Variants in ADARB2 observed in about 807,000 individuals in gnomAD.
ADARB2 encodes the protein adenosine deaminase RNA specific B2 (inactive).
A neutral mutation model predicts 62.2 loss-of-function variants in ADARB2; 25 were observed. That is an observed-to-expected ratio of 0.40 (90% CI 0.29 to 0.56). The LOEUF is 0.56. Among genes scored for constraint, ADARB2 ranks in the 20% least tolerant of loss-of-function variants. ADARB2 has a pLI of 0.43. For synonymous variants in ADARB2, 572 were observed against 500.8 expected (o/e 1.14, Z -1.90); for missense variants, 1,071 against 1,077.4 (o/e 0.99, Z 0.08).
chr10:1,595,553 G>T (rs1425530855), intron 1 of ADARB2, among the ~76,000 whole-genome samples: 1 of 152,228 alleles, frequency 6.6e-6, no homozygotes, highest in East Asian at 1.9e-4. Flanking sequence ...GAGGCTGAGG[G>T]CCGAGGCTCA....
intron 1 of ADARB2, among the ~76,000 whole-genome samples, chr10:1,512,864 G>A (rs758754180): frequency 4.6e-5 from 7 of 152,164 alleles, no homozygotes; most frequent in East Asian, 1.9e-4. Context: ...CTCACCCCAC[G>A]TCTGCCACCA....
At chr10:1,442,335 A>C (rs74120615) in intron 1 of ADARB2, among the ~76,000 whole-genome samples, 1 of 152,312 alleles carries the variant, frequency 6.6e-6, no homozygotes, top group South Asian at 2.1e-4. Flanking sequence ...ACCACTAAGC[A>C]TCACCCTGTG....
chr10:1,232,087 T>G (rs1159951392), intron 6 of ADARB2, among the ~76,000 whole-genome samples: 3 of 152,152 alleles, frequency 2.0e-5, no homozygotes. Flanking sequence ...CATGTATGTC[T>G]GCCAGAGATT....
At chr10:1,524,060 AGAT>A (rs373910964) in intron 1 of ADARB2, among the ~76,000 whole-genome samples, 18,767 of 66,434 alleles carry the variant, frequency 0.28, 1,403 homozygotes, top group Non-Finnish European at 0.34. Context: ...GGGGATATGA[AGAT>A]AGATAGATAG....
chr10:1,633,478 C>G (rs1833867048), intron 1 of ADARB2, among the ~76,000 whole-genome samples: 1 of 152,028 alleles, frequency 6.6e-6, no homozygotes, highest in Non-Finnish European at 1.5e-5. Flanking sequence ...TGAAAAAACC[C>G]AAATCCCAAG....
chr10:1,705,729 T>C (rs1909433), intron 1 of ADARB2, among the ~76,000 whole-genome samples: 124,936 of 152,204 alleles, frequency 0.82, 52,265 homozygotes, highest in South Asian at 0.91. Flanking sequence ...AAGAAGCGTG[T>C]GAGGCCTCTC....
intron 4 of ADARB2, among the ~76,000 whole-genome samples, chr10:1,263,194 C>A (rs182219531): frequency 3.3e-5 from 5 of 151,792 alleles, no homozygotes; most frequent in South Asian, 2.1e-4. Context: ...TGATGAGTTA[C>A]TGGGTGCAGC....
chr10:1,420,847 G>A (rs61831772), intron 1 of ADARB2, among the ~76,000 whole-genome samples: 9,204 of 152,222 alleles, frequency 0.06, 335 homozygotes, highest in African/African-American at 0.1. Context: ...GCTATGTCTT[G>A]TAAGGCATGC....
intron 1 of ADARB2, among the ~76,000 whole-genome samples, chr10:1,533,119 C>CT (rs56227070): frequency 9.8e-4 from 141 of 143,844 alleles, no homozygotes; most frequent in Middle Eastern, 3.6e-3. Context: ...TAAACATCAC[C>CT]TTTTTTTTTT....
intron 2 of ADARB2, among the ~76,000 whole-genome samples, chr10:1,375,779 C>T (rs550436169): frequency 6.7e-6 from 1 of 149,996 alleles, no homozygotes; most frequent in East Asian, 2.0e-4. Context: ...CACACATGTG[C>T]ACACACATGC....
At chr10:1,516,205 C>T (rs1466427545) in intron 1 of ADARB2, among the ~76,000 whole-genome samples, 2 of 152,168 alleles carry the variant, frequency 1.3e-5, no homozygotes, top group Non-Finnish European at 2.9e-5. Context: ...TTCCTCGTGT[C>T]CTGCAGCTGC....
At position 1,396,499 on chromosome 10, in the gene ADARB2, A is replaced by G. The variant is rs1333583198; in HGVS notation, c.101-17339T>C. Among the ~76,000 whole-genome samples, 4 of 152,262 alleles carry G rather than the reference A, an allele frequency of 2.6e-5. No individual in the cohort carries two copies. In the East Asian group the frequency reaches 7.7e-4, roughly 29 times the overall value. ...CCCAGGATCGAAGAATCCGGCCCTG[A>G]GCTCCTGTCCTGCTCCATTTCCTCC... On this transcript the variant is annotated intron_variant, in intron 1 of 9. Transcript: ENST00000381312.
chr10:1,560,978 C>A (rs1358660885), intron 1 of ADARB2, among the ~76,000 whole-genome samples: 1 of 152,186 alleles, frequency 6.6e-6, no homozygotes. Flanking sequence ...TTTCTAAATA[C>A]CTGACCTAGA....
chr10:1,547,974 C>T (rs145221231), intron 1 of ADARB2, among the ~76,000 whole-genome samples: 111 of 152,114 alleles, frequency 7.3e-4, no homozygotes, highest in Middle Eastern at 6.8e-3. Flanking sequence ...ATTCAGGACA[C>T]GTGGTACTTG....
At chr10:1,499,567 C>T (rs1831738087) in intron 1 of ADARB2, among the ~76,000 whole-genome samples, 2 of 151,926 alleles carry the variant, frequency 1.3e-5, no homozygotes, top group Non-Finnish European at 2.9e-5. Context: ...ACTCATCACT[C>T]ACTCATCATT....
intron 1 of ADARB2, among the ~76,000 whole-genome samples, chr10:1,598,389 A>G (rs1833364924): frequency 6.6e-6 from 1 of 152,258 alleles, no homozygotes; most frequent in African/African-American, 2.4e-5. Context: ...ATATGCATGG[A>G]AGAAATCTGC....
intron 1 of ADARB2, among the ~76,000 whole-genome samples, chr10:1,389,775 A>ATAAT (rs1832553902): frequency 6.6e-6 from 1 of 150,956 alleles, no homozygotes; most frequent in African/African-American, 2.4e-5. Flanking sequence ...AAATAAATAA[A>ATAAT]TAAATAAATA....
At chr10:1,573,657 G>C (rs555004893) in intron 1 of ADARB2, among the ~76,000 whole-genome samples, 13 of 152,322 alleles carry the variant, frequency 8.5e-5, no homozygotes, top group African/African-American at 3.1e-4. Flanking sequence ...GAAGAGCTCA[G>C]TGTCCTTGGG....
rs528279605 is a variant in ADARB2, at chr10:1,366,442, T to C, written c.188-2525A>G. Among the ~76,000 whole-genome samples the C allele has an allele frequency of 2.0e-5, 3 of 152,238 alleles. No individual in the cohort carries two copies. In the South Asian group the frequency reaches 6.2e-4, roughly 32 times the overall value. ...TCCATGAGGGTTTACTACAAAATAC[T>C]CTGAGAATTATGGTAGTGAGCTGTG... is the stretch of plus-strand genomic sequence containing the variant. On this transcript the variant is annotated intron_variant, in intron 2 of 9. Transcript: ENST00000381312.
Sources: allele counts gnomAD v4.1 joint callset (sites outside exome capture counted in the v4.1 genomes callset), GRCh38; gene constraint gnomAD v4.1.1; transcripts MANE v1.5; gene names NCBI Gene and HGNC (gene_info 2026-07-23, HGNC 2026-07-21).